KCNIP3: variants seen among roughly 807,000 people sequenced by gnomAD.
KCNIP3 encodes potassium voltage-gated channel interacting protein 3.
A neutral mutation model predicts 35.0 loss-of-function variants in KCNIP3; 28 were observed. The observed-to-expected ratio is 0.80, with a 90% CI of 0.59 to 1.10. The LOEUF (loss-of-function observed/expected upper bound fraction) is 1.10, where lower values mean the gene tolerates loss of function less well. KCNIP3 is among the 50% of genes least tolerant of loss of function. The pLI, the probability that KCNIP3 is intolerant of heterozygous loss-of-function variation, is 0.00. For missense variants in KCNIP3, 295 were observed against 338.4 expected (o/e 0.87, Z 1.01); for synonymous variants, 134 against 133.8 (o/e 1.00, Z -0.01).
At chr2:95,323,424 A>T (rs1354357057) in intron 2 of KCNIP3, among the ~76,000 whole-genome samples, 1 of 152,138 alleles carries the variant, frequency 6.6e-6, no homozygotes, top group Non-Finnish European at 1.5e-5. Flanking sequence ...GGTGGCAGAG[A>T]GGGCAGTCAG....
intron 2 of KCNIP3, among the ~76,000 whole-genome samples, chr2:95,362,868 CA>C (rs1199000536): frequency 2.6e-5 from 4 of 152,100 alleles, no homozygotes; most frequent in Middle Eastern, 3.2e-3. Flanking sequence ...ACATATTTGC[CA>C]AAAAAACTTA....
chr2:95,355,415 A>G (rs1324333090), intron 2 of KCNIP3: 1 of 152,204 alleles, frequency 6.6e-6, no homozygotes, highest in Non-Finnish European at 1.5e-5. Flanking sequence ...ATACATAGGT[A>G]TACATGTGTC....
rs149097240 is a variant in KCNIP3, at chr2:95,297,948, A to T, written c.15+495A>T. On this transcript the variant is annotated intron_variant, in intron 1 of 8. Coordinates refer to ENST00000295225, the MANE Select transcript of KCNIP3 (RefSeq NM_013434.5). ...GAACGCATCTTCTAATCAAGCAATC[A>T]AGTAACGAATGAGTGCCCACTTCCT... Among the ~76,000 whole-genome samples the T allele has an allele frequency of 1.9e-3, 288 of 152,252 alleles. 2 individuals carry two copies. Among genetic ancestry groups the T allele is most frequent in the Non-Finnish European group, 2.7e-3 (185 of 68,016 alleles).
At chr2:95,372,358 G>A (rs1478335720) in intron 2 of KCNIP3, among the ~76,000 whole-genome samples, 1 of 152,210 alleles carries the variant, frequency 6.6e-6, no homozygotes, top group Non-Finnish European at 1.5e-5. Flanking sequence ...CAAAAATGCT[G>A]TTGCTGTGAG....
At chr2:95,308,039 CGT>C (rs1302076197) in intron 1 of KCNIP3, among the ~76,000 whole-genome samples, 1 of 152,172 alleles carries the variant, frequency 6.6e-6, no homozygotes, top group East Asian at 1.9e-4. Context: ...AGCATGTGTA[CGT>C]GTGTGTGCCT....
At chr2:95,367,301 A>G (rs535361412) in intron 2 of KCNIP3, among the ~76,000 whole-genome samples, 1 of 152,178 alleles carries the variant, frequency 6.6e-6, no homozygotes, top group South Asian at 2.1e-4. Flanking sequence ...AATAAAAATA[A>G]AAAAACCAAT....
intron 2 of KCNIP3, among the ~76,000 whole-genome samples, chr2:95,344,244 G>C (rs990959630): frequency 3.6e-4 from 53 of 147,628 alleles, no homozygotes; most frequent in African/African-American, 1.3e-3. Flanking sequence ...GCAGACAGTC[G>C]CCTGGGAAGG....
In KCNIP3 at chr2:95,384,466, A is replaced by C; in HGVS notation, c.*417A>C. 4.9e-6 allele frequency: 1 copy of C among 204,656 alleles called. No individual in the cohort carries two copies. The highest frequency in any genetic ancestry group is 9.9e-6 in the Non-Finnish European group (1 of 100,852). The allele number at this position is 204,656 out of a possible 1,614,324, so 12.7% of individuals were successfully genotyped here. On this transcript the variant is annotated 3_prime_UTR_variant, in exon 9 of 9. Transcript: ENST00000295225. ...GTTCTCCATTCTGCTTTCTTGCCAC[A>C]CAGTGGGCCGGCCCCAGGCTCCCCT...
At chr2:95,334,159 G>A (rs751694460) in intron 2 of KCNIP3, among the ~76,000 whole-genome samples, 2 of 152,242 alleles carry the variant, frequency 1.3e-5, no homozygotes, top group East Asian at 1.9e-4. Flanking sequence ...TTGATGACCC[G>A]TGTGAGTGGG....
At chr2:95,329,180 C>G (rs947795880) in intron 2 of KCNIP3, among the ~76,000 whole-genome samples, 1 of 151,588 alleles carries the variant, frequency 6.6e-6, no homozygotes, top group African/African-American at 2.4e-5. Context: ...AGGAGTACTC[C>G]GTGCACAGTA....
At chr2:95,314,926 G>A (rs568486018) in intron 2 of KCNIP3, among the ~76,000 whole-genome samples, 2 of 152,194 alleles carry the variant, frequency 1.3e-5, no homozygotes, top group East Asian at 1.9e-4. Context: ...ACTGGCACCC[G>A]ACAGGGCAGC....
At position 95,377,301 on chromosome 2, in the gene KCNIP3, G is replaced by C. The variant is rs1680228205; in HGVS notation, c.447+2093G>C. Among the ~76,000 whole-genome samples, 1 of 152,254 alleles carries C rather than the reference G, an allele frequency of 6.6e-6. No individual in the cohort carries two copies. The highest frequency in any genetic ancestry group is 1.5e-5 in the Non-Finnish European group (1 of 68,050). Reference sequence around the variant, plus strand: ...CAGTTTGGAAGTGGCAGCCAGGCAGGCATCTGGAGGTGCGGCCGCTTCTCT... The same window carrying C: ...CAGTTTGGAAGTGGCAGCCAGGCAGCCATCTGGAGGTGCGGCCGCTTCTCT... On this transcript the variant is annotated intron_variant, in intron 5 of 8. Transcript: ENST00000295225. This position sits in a 1 kb window ranked among gnomAD's most constrained non-coding sequence, Gnocchi z 4.7.
chr2:95,340,394 C>T (rs911642447), intron 2 of KCNIP3, among the ~76,000 whole-genome samples: 3 of 152,206 alleles, frequency 2.0e-5, no homozygotes, highest in African/African-American at 7.2e-5. Context: ...CCCAAAGCAG[C>T]ATTCATAGCT....
intron 2 of KCNIP3, among the ~76,000 whole-genome samples, chr2:95,356,080 G>A (rs1307732762): frequency 1.1e-4 from 17 of 152,138 alleles, no homozygotes; most frequent in South Asian, 4.1e-4. Context: ...TTTGATTTGC[G>A]TTTCTCTGAT....
At chr2:95,306,280 AC>A (rs548039191) in intron 1 of KCNIP3, among the ~76,000 whole-genome samples, 67 of 152,226 alleles carry the variant, frequency 4.4e-4, no homozygotes, top group African/African-American at 1.6e-3. Context: ...TTTGCCATCC[AC>A]GTGTCCTCTC....
chr2:95,346,995 A>G (rs1386568660), intron 2 of KCNIP3: 3 of 1,561,614 alleles, frequency 1.9e-6, no homozygotes, highest in Non-Finnish European at 2.6e-6. Context: ...CCCGGGCCCC[A>G]GGGCCCCAGG....
At chr2:95,306,308 C>G (rs1310695919) in intron 1 of KCNIP3, among the ~76,000 whole-genome samples, 2 of 152,230 alleles carry the variant, frequency 1.3e-5, no homozygotes, top group African/African-American at 4.8e-5. Flanking sequence ...AATGTCTGTG[C>G]ATGTCTTTCA....
At chr2:95,339,682 T>C (rs1177797381) in intron 2 of KCNIP3, among the ~76,000 whole-genome samples, 1 of 152,240 alleles carries the variant, frequency 6.6e-6, no homozygotes, top group Non-Finnish European at 1.5e-5. Context: ...TTATCTCTTC[T>C]GTTTGGTCCA....
intron 2 of KCNIP3, among the ~76,000 whole-genome samples, chr2:95,335,309 A>C (rs969102784): frequency 2.0e-5 from 3 of 152,228 alleles, no homozygotes; most frequent in Non-Finnish European, 4.4e-5. Flanking sequence ...GGAATGCCTT[A>C]ATTTACCCTT....
Sources: allele counts gnomAD v4.1 joint callset (sites outside exome capture counted in the v4.1 genomes callset), GRCh38; gene constraint gnomAD v4.1.1; non-coding constraint Gnocchi (gnomAD v3.1); transcripts MANE v1.5; gene names NCBI Gene and HGNC (gene_info 2026-07-23, HGNC 2026-07-21).